PSMB3: variants seen among roughly 807,000 people sequenced by gnomAD.
PSMB3 encodes the protein proteasome subunit beta type-3.
Under a neutral mutation model 23.3 loss-of-function variants are expected in PSMB3, and 5 were observed. The ratio of observed to expected loss-of-function variants is 0.21; its 90% confidence interval spans 0.11 to 0.45. The LOEUF is 0.45. Ranked by LOEUF, PSMB3 falls within the 20% of genes least tolerant of loss-of-function variation. PSMB3 has a pLI of 0.99. For missense variants in PSMB3, 192 were observed against 277.9 expected, an observed-to-expected ratio of 0.69 and a Z score of 2.20; for synonymous variants, 85 against 99.8, an observed-to-expected ratio of 0.85 and a Z score of 0.88.
rs752035045 is a variant in PSMB3, at chr17:38,764,170, C to G, written c.*3C>G. On this transcript the variant is annotated 3_prime_UTR_variant, in exon 6 of 6. Transcript: ENST00000619426. ...CACTGAAGGCCCGAATGGACTAACCCTGTTCCCAGAGCCCACTTTTTTTTC... is the reference window on the plus strand; with the variant it reads ...CACTGAAGGCCCGAATGGACTAACCGTGTTCCCAGAGCCCACTTTTTTTTC... 1 of 1,614,092 alleles carries G rather than the reference C, an allele frequency of 6.2e-7. No individual in the cohort carries two copies. The highest frequency in any genetic ancestry group is 1.3e-5 in the African/African-American group (1 of 75,050).
intron 1 of PSMB3, 69 bp from the exon 2 acceptor site, chr17:38,753,081 A>G: frequency 6.8e-7 from 1 of 1,475,666 alleles, no homozygotes; most frequent in East Asian, 2.4e-5. Context: ...CCTCCGCATC[A>G]GGAGCTGGGC....
chr17:38,762,493 T>C lies in PSMB3; in HGVS notation c.557T>C (p.Ile186Thr). Reference protein sequence around the residue: ...DRDAVSGMGVIVHIIEKDKIT... With the variant: ...DRDAVSGMGVTVHIIEKDKIT... Reference sequence around the variant, plus strand: ...GATGCAGTGTCAGGCATGGGAGTCATTGTCCACATCATGTGAGTATGGGCT... The same window carrying C: ...GATGCAGTGTCAGGCATGGGAGTCACTGTCCACATCATGTGAGTATGGGCT... The change falls in exon 5 of 6, where the codon ATT becomes ACT. Residue 186 changes from isoleucine to threonine, a missense_variant. Transcript: ENST00000619426. 2 of 1,613,888 alleles carry C rather than the reference T, an allele frequency of 1.2e-6. No homozygotes were observed. The highest frequency in any genetic ancestry group is 1.7e-6 in the Non-Finnish European group (2 of 1,179,758).
At chr17:38,763,920 C>G (rs1158818985) in intron 5 of PSMB3, among the ~76,000 whole-genome samples, 199 bp from the exon 6 acceptor site, 1 of 152,214 alleles carries the variant, frequency 6.6e-6, no homozygotes, top group Non-Finnish European at 1.5e-5. Context: ...CCTATCCCTC[C>G]TTCCTCACCA....
At chr17:38,762,260 G>A in intron 4 of PSMB3, 151 bp from the exon 5 acceptor site, 1 of 651,214 alleles carries the variant, frequency 1.5e-6, no homozygotes, top group Admixed American at 2.7e-5. Flanking sequence ...GGAGCTGAGA[G>A]GGGCTTCCCA....
At chr17:38,753,474 C>T (rs2143207398) in intron 2 of PSMB3, 140 bp downstream of exon 2, 1 of 846,364 alleles carries the variant, frequency 1.2e-6, no homozygotes, top group Admixed American at 3.2e-5. Flanking sequence ...AAAACATGTC[C>T]TTCCCTTTCT....
intron 5 of PSMB3, among the ~76,000 whole-genome samples, chr17:38,763,416 TTA>T (rs1491510355): frequency 6.6e-6 from 1 of 151,932 alleles, no homozygotes; most frequent in Non-Finnish European, 1.5e-5. Flanking sequence ...CGGTTTTTTT[TTA>T]TGTTCTTTGG....
At chr17:38,762,632 G>T in intron 5 of PSMB3, 127 bp downstream of exon 5, 1 of 832,270 alleles carries the variant, frequency 1.2e-6, no homozygotes, top group Non-Finnish European at 1.9e-6. Context: ...GCTTTTGGCA[G>T]TCCTGGGTGA....
In PSMB3 at chr17:38,757,730, G is replaced by A. The variant is rs546971999; in HGVS notation, c.296+1740G>A. ...CTTGGGAAGCTGAGGCAGGAGAATC[G>A]CTTGAACCTGGGTGGTGGAGGTTGC... On this transcript the variant is annotated intron_variant, in intron 3 of 5. Transcript: ENST00000619426. Among the ~76,000 whole-genome samples the A allele has an allele frequency of 8.5e-5, 13 of 152,316 alleles. No homozygotes were observed. In the East Asian group the frequency reaches 1.7e-3, roughly 20 times the overall value.
chr17:38,755,833 C>T (rs752891300), intron 2 of PSMB3, 50 bp from the exon 3 acceptor site: 1 of 1,489,336 alleles, frequency 6.7e-7, no homozygotes, highest in Non-Finnish European at 9.4e-7. Context: ...AGGGTAGACA[C>T]TCAGGAATAT....
chr17:38,763,285 C>A (rs1423652964), intron 5 of PSMB3, among the ~76,000 whole-genome samples: 21 of 151,800 alleles, frequency 1.4e-4, no homozygotes, highest in Admixed American at 1.4e-3. Context: ...ACCTGGGAGG[C>A]AGAGGTTGCA....
intron 3 of PSMB3, among the ~76,000 whole-genome samples, chr17:38,758,487 A>G (rs1908304173): frequency 6.6e-6 from 1 of 152,006 alleles, no homozygotes; most frequent in Non-Finnish European, 1.5e-5. Flanking sequence ...CCATAGGTGC[A>G]TGCCACCATG....
At chr17:38,760,748 G>A (rs1908401175) in intron 4 of PSMB3, 140 bp downstream of exon 4, 28 of 1,034,004 alleles carry the variant, frequency 2.7e-5, no homozygotes, top group Middle Eastern at 4.4e-4. Flanking sequence ...CCTTGGAAGG[G>A]TATCCAGAAA....
chr17:38,753,819 G>A (rs1163397506), intron 2 of PSMB3, among the ~76,000 whole-genome samples: 1 of 152,168 alleles, frequency 6.6e-6, no homozygotes, highest in African/African-American at 2.4e-5. Flanking sequence ...GACAAGACAA[G>A]CCCAATAGAA....
Position 38,760,566 on chromosome 17 carries a change from A to T in PSMB3, c.432A>T (p.Glu144Asp). ...DDFVVSGTCA[E>D]QMYGMCESLW... ...TTGTGGTCAGTGGCACCTGCGCCGA[A>T]CAAATGTACGGAATGTGTGAGTCCC... The change falls in exon 4 of 6, where the codon GAA becomes GAT. Residue 144 changes from glutamate (E) to aspartate (D), a missense_variant. Transcript: ENST00000619426. The T allele has an allele frequency of 6.2e-7, 1 of 1,614,266 alleles. No individual in the cohort carries two copies. The highest frequency in any genetic ancestry group is 8.5e-7 in the Non-Finnish European group (1 of 1,180,048).
rs35172699 is a variant in PSMB3, at chr17:38,757,034, A to ATTTTTT, written c.296+1066_296+1071dup. 1.8e-4 allele frequency among the ~76,000 whole-genome samples: 12 copies of ATTTTTT among 65,696 alleles called. 1 individual carries two copies. The highest frequency in any genetic ancestry group is 7.0e-4 in the Admixed American group (3 of 4,292). The allele number at this position is 65,696 out of a possible 152,430, so 43.1% of individuals were successfully genotyped here. A position where few individuals can be genotyped will look rare whatever the true frequency, so the allele number is the denominator to read the frequency against. On this transcript the variant is annotated intron_variant, in intron 3 of 5. Transcript: ENST00000619426. Reference sequence around the variant, plus strand: ...AGGTGTGTGCCATCACACCTGGCTAATTTTTTTTTTTTTTTTTTTTTTTTT... The same window carrying ATTTTTT: ...AGGTGTGTGCCATCACACCTGGCTAATTTTTTTTTTTTTTTTTTTTTTTTTTTTTTT...
chr17:38,753,378 AC>A, intron 2 of PSMB3, 44 bp downstream of exon 2: 1 of 1,583,622 alleles, frequency 6.3e-7, no homozygotes, highest in Non-Finnish European at 8.6e-7. Context: ...CTCTTCTTGG[AC>A]CATCCAACCC....
intron 2 of PSMB3, among the ~76,000 whole-genome samples, chr17:38,755,673 T>G (rs1241200571): frequency 8.4e-6 from 1 of 119,712 alleles, no homozygotes; most frequent in Non-Finnish European, 1.7e-5. Context: ...TATATATATA[T>G]ATATATATAT....
At chr17:38,762,141 A>G (rs1244385097) in intron 4 of PSMB3, 1 of 425,312 alleles carries the variant, frequency 2.4e-6, no homozygotes, top group Non-Finnish European at 4.2e-6. Flanking sequence ...AGGCTCAGTG[A>G]AGAGAGACAT....
In PSMB3 at chr17:38,753,238, A is replaced by G; in HGVS notation, c.92A>G (p.Gln31Arg). 2.5e-6 allele frequency: 4 copies of G among 1,614,232 alleles called. No homozygotes were observed. Among genetic ancestry groups the G allele is most frequent in the Non-Finnish European group, 3.4e-6 (4 of 1,180,038 alleles). Residue 31 changes from glutamine (Q) to arginine (R), a missense_variant, in exon 2 of 6, where the codon CAG becomes CGG. Coordinates refer to ENST00000619426, the MANE Select transcript of PSMB3 (RefSeq NM_002795.4). The stretch of plus-strand genomic sequence containing the variant: ...GCTGCAGACAGGCGCTTCGGGATCC[A>G]GGCCCAGATGGTGACCACGGACTTC... ...AIAADRRFGIQAQMVTTDFQK... is the reference protein window; with the variant it reads ...AIAADRRFGIRAQMVTTDFQK...
Sources: allele counts gnomAD v4.1 joint callset (sites outside exome capture counted in the v4.1 genomes callset), GRCh38; gene constraint gnomAD v4.1.1; transcripts MANE v1.5; gene names NCBI Gene and HGNC (gene_info 2026-07-23, HGNC 2026-07-21).